The following SLC29A3 variants were observed in gnomAD, a reference collection of about 807,000 sequenced individuals.
SLC29A3 encodes the protein equilibrative nucleoside transporter 3.
A neutral mutation model predicts 25.4 loss-of-function variants in SLC29A3; 18 were observed. The ratio of observed to expected loss-of-function variants is 0.71; its 90% CI spans 0.49 to 1.05. The LOEUF (loss-of-function observed/expected upper bound fraction) is 1.05. Ranked by LOEUF, SLC29A3 falls within the 50% of genes least tolerant of loss-of-function variation. The pLI is 0.00. For missense variants in SLC29A3, 586 were observed against 609.0 expected, an observed-to-expected ratio of 0.96 and a Z score of 0.40; for synonymous variants, 258 against 267.1, an observed-to-expected ratio of 0.97 and a Z score of 0.33.
At chr10:71,351,840 G>A (rs1846773861) in intron 4 of SLC29A3, 52 bp downstream of exon 4, 2 of 1,513,172 alleles carry the variant, frequency 1.3e-6, no homozygotes, top group Non-Finnish European at 1.8e-6. Flanking sequence ...CAGGAGTCAT[G>A]GGAGGGAGCC....
chr10:71,362,656 A>C lies in SLC29A3; in HGVS notation c.*48A>C. On this transcript the variant is annotated 3_prime_UTR_variant, in exon 6 of 6. Transcript: ENST00000373189. ...GTGCTTCAGAGCCTTTGAAGATGAG[A>C]AGAGAGTGCAGGAGGGCTGGGGGCC... 1 of 1,612,336 alleles carries C rather than the reference A, an allele frequency of 6.2e-7. No homozygotes were observed. The highest frequency in any genetic ancestry group is 8.5e-7 in the Non-Finnish European group (1 of 1,179,106).
chr10:71,333,716 C>G (rs888234357), intron 2 of SLC29A3, among the ~76,000 whole-genome samples: 5 of 152,264 alleles, frequency 3.3e-5, no homozygotes, highest in African/African-American at 4.8e-5. Context: ...CCTTCTTCCT[C>G]TTTTCCCTAT....
chr10:71,368,100 C>T (rs936801318), downstream of SLC29A3, among the ~76,000 whole-genome samples: 2 of 152,050 alleles, frequency 1.3e-5, no homozygotes, highest in East Asian at 3.9e-4. Flanking sequence ...CCTAGTGGTA[C>T]ATGCCTATAG....
chr10:71,334,409 C>T (rs548025425), intron 2 of SLC29A3, among the ~76,000 whole-genome samples: 1 of 152,346 alleles, frequency 6.6e-6, no homozygotes, highest in African/African-American at 2.4e-5. Flanking sequence ...CACTCACTTA[C>T]AGCTCTTTCC....
At chr10:71,340,281 A>G (rs1403060523) in intron 2 of SLC29A3, among the ~76,000 whole-genome samples, 2 of 152,190 alleles carry the variant, frequency 1.3e-5, no homozygotes, top group Non-Finnish European at 2.9e-5. Context: ...CCAGGCTTTT[A>G]GTCAGCTATG....
At chr10:71,377,180 T>TGGCACGGCAGGGGC (rs1847258893) in intron 4 of SLC29A3, among the ~76,000 whole-genome samples, 1 of 152,082 alleles carries the variant, frequency 6.6e-6, no homozygotes, top group South Asian at 2.1e-4. Flanking sequence ...CAGGCTGGGG[T>TGGCACGGCAGGGGC]GGCACGGCAG....
At chr10:71,321,517 T>C (rs1845845634) in intron 1 of SLC29A3, among the ~76,000 whole-genome samples, 1 of 152,206 alleles carries the variant, frequency 6.6e-6, no homozygotes, top group African/African-American at 2.4e-5. Flanking sequence ...CTAGGTGCTA[T>C]GTAGAGCAAA....
At chr10:71,351,013 C>T (rs544221901) in intron 3 of SLC29A3, among the ~76,000 whole-genome samples, 5 of 152,318 alleles carry the variant, frequency 3.3e-5, no homozygotes, top group African/African-American at 4.8e-5. Context: ...TTTGCTATGG[C>T]GACGATGATG....
chr10:71,325,950 A>C (rs1845955859), intron 2 of SLC29A3, among the ~76,000 whole-genome samples: 2 of 132,566 alleles, frequency 1.5e-5, no homozygotes, highest in East Asian at 2.1e-4. Flanking sequence ...AGGGTCTTGC[A>C]CTGTCACCCA....
At chr10:71,379,111 G>A (rs1458689069) in intron 4 of SLC29A3, among the ~76,000 whole-genome samples, 2 of 152,208 alleles carry the variant, frequency 1.3e-5, no homozygotes, top group African/African-American at 4.8e-5. Context: ...GGGAAACTAG[G>A]GTTTGGAGGA....
Position 71,351,507 on chromosome 10 carries a change from GC to G in SLC29A3, c.384-52del, listed in dbSNP as rs1846756942. 3 of 1,552,588 alleles carry G rather than the reference GC, an allele frequency of 1.9e-6. No homozygotes were observed. In the African/African-American group the frequency reaches 4.1e-5, roughly 21 times the overall value. On this transcript the variant is annotated intron_variant, in intron 3 of 5. Coordinates refer to ENST00000373189, the MANE Select transcript of SLC29A3 (RefSeq NM_018344.6). Reference sequence around the variant, plus strand: ...CCCTTAAGGTGGCTCACCAGCCCCAGCCCACACAGGAGCCCCGAAGGGGTGT... The same window carrying G: ...CCCTTAAGGTGGCTCACCAGCCCCAGCCACACAGGAGCCCCGAAGGGGTGT...
intron 3 of SLC29A3, among the ~76,000 whole-genome samples, chr10:71,349,117 A>G (rs1269459330): frequency 2.0e-5 from 3 of 152,222 alleles, no homozygotes; most frequent in African/African-American, 7.2e-5. Flanking sequence ...TGTAAAAGGG[A>G]GGGCACATGG....
chr10:71,351,118 CT>C (rs1435435237), intron 3 of SLC29A3, among the ~76,000 whole-genome samples: 1 of 152,208 alleles, frequency 6.6e-6, no homozygotes, highest in African/African-American at 2.4e-5. Context: ...GGTGGCTGCT[CT>C]GTTTAAACAC....
rs1286750646 is a variant in SLC29A3 at position 71,351,678 on chromosome 10, T to C, written c.500T>C (p.Val167Ala). The stretch of plus-strand genomic sequence containing the variant: ...TCCTGGACCCGTGGCTTTTTTGCGG[T>C]CACCATTGTCTGCATGGTGATCCTC... The part of the protein sequence containing the change: ...TSSWTRGFFA[V>A]TIVCMVILSG... Residue 167 changes from valine to alanine, a missense_variant, in exon 4 of 6, where the codon GTC (valine) becomes GCC (alanine). Physicochemically the swap from Val to Ala is moderately conservative, Grantham distance 64. Transcript: ENST00000373189. 8 of 1,613,996 alleles carry C rather than the reference T, an allele frequency of 5.0e-6. No individual in the cohort carries two copies. In the African/African-American group the frequency reaches 1.1e-4, roughly 22 times the overall value.
chr10:71,378,092 T>G, intron 4 of SLC29A3, among the ~76,000 whole-genome samples: 7 of 59,226 alleles, frequency 1.2e-4, no homozygotes, highest in Admixed American at 5.7e-4. Flanking sequence ...GCTTAGACAA[T>G]GTTGGGGGGG....
At chr10:71,320,774 C>T (rs566793655) in intron 1 of SLC29A3, among the ~76,000 whole-genome samples, 18 of 152,272 alleles carry the variant, frequency 1.2e-4, no homozygotes, top group African/African-American at 4.1e-4. Context: ...GTGCAGAGTC[C>T]GTTCATTCAG....
At chr10:71,354,835 C>T (rs896763954) in intron 4 of SLC29A3, among the ~76,000 whole-genome samples, 6 of 152,218 alleles carry the variant, frequency 3.9e-5, no homozygotes, top group African/African-American at 7.2e-5. Flanking sequence ...CACCTCACTA[C>T]GGTCACCTGT....
intron 1 of SLC29A3, among the ~76,000 whole-genome samples, chr10:71,320,292 A>G (rs1318022599): frequency 6.6e-6 from 1 of 152,208 alleles, no homozygotes; most frequent in Admixed American, 6.5e-5. Flanking sequence ...TGGGTGGGTC[A>G]TGATTATTTT....
chr10:71,327,132 G>A (rs1040939367), intron 2 of SLC29A3, among the ~76,000 whole-genome samples: 2 of 152,120 alleles, frequency 1.3e-5, no homozygotes, highest in Non-Finnish European at 2.9e-5. Context: ...ATTCTTTCCT[G>A]TACTTTCCTT....
Sources: allele counts gnomAD v4.1 joint callset (sites outside exome capture counted in the v4.1 genomes callset), GRCh38; gene constraint gnomAD v4.1.1; transcripts MANE v1.5; gene names NCBI Gene and HGNC (gene_info 2026-07-23, HGNC 2026-07-21).